Variants in HEG1 observed in about 807,000 individuals in gnomAD.
The protein encoded by HEG1 is protein HEG homolog 1.
HEG1 carries 56 observed loss-of-function variants against 125.6 expected under a neutral mutation model. That is an observed-to-expected ratio of 0.45 (90% CI 0.36 to 0.56). The LOEUF (loss-of-function observed/expected upper bound fraction) is 0.56, where lower values mean the gene tolerates loss of function less well. Among genes scored for constraint, HEG1 ranks in the 20% least tolerant of loss-of-function variants. HEG1 has a pLI of 0.00. For missense variants in HEG1, 1,523 were observed against 1,670.0 expected (o/e 0.91, Z 1.53); for synonymous variants, 644 against 668.5 (o/e 0.96, Z 0.57).
chr3:124,973,916 CAAA>C lies in HEG1; in HGVS notation c.3822-14_3822-12del, dbSNP rs758022319. 1.2e-5 allele frequency: 19 copies of C among 1,591,528 alleles called. No homozygotes were observed. The East Asian group carries it at 4.3e-4, about 36-fold the overall frequency. ...TCATTTTTATTCTTTCTGTGGGATACAAAAATATTTGTAAAGCTCAATTCCGTA... is the reference window on the plus strand; with the variant it reads ...TCATTTTTATTCTTTCTGTGGGATACAATATTTGTAAAGCTCAATTCCGTA... On this transcript the variant is annotated splice_polypyrimidine_tract_variant and intron_variant, in intron 15 of 16. Coordinates refer to ENST00000311127, the MANE Select transcript of HEG1 (RefSeq NM_020733.2).
In HEG1 at chr3:125,022,499, C is replaced by T. The variant is rs79894291; in HGVS notation, c.914-1369G>A. Among the ~76,000 whole-genome samples the T allele has an allele frequency of 3.5e-3, 530 of 151,798 alleles. 4 individuals carry two copies. The highest frequency in any genetic ancestry group is 0.014 in the Middle Eastern group (4 of 290). On this transcript the variant is annotated intron_variant, in intron 3 of 16. Transcript: ENST00000311127. ...AAACCAGCTATATCCAGAACACAGC[C>T]GGCAGCTCTGGTCACCCCACCTTAA...
intron 12 of HEG1, among the ~76,000 whole-genome samples, chr3:124,994,217 A>G (rs895762835): frequency 2.6e-5 from 4 of 151,958 alleles, no homozygotes; most frequent in African/African-American, 9.7e-5. Flanking sequence ...CAGGGTCCAC[A>G]CTCCTATGAG....
Position 125,036,299 on chromosome 3 carries a change from C to T in HEG1, c.317-6811G>A, listed in dbSNP as rs147343980. Among the ~76,000 whole-genome samples the T allele has an allele frequency of 7.3e-3, 1,072 of 146,916 alleles. 42 individuals carry two copies. The highest frequency in any genetic ancestry group is 0.052 in the Admixed American group (756 of 14,664). ...ATACAAAATTGTCATAGAGAGAAAT[C>T]AGTGAATACTGTCTAAAACCAAAAT... On this transcript the variant is annotated intron_variant, in intron 1 of 16. Coordinates refer to ENST00000311127, the MANE Select transcript of HEG1 (RefSeq NM_020733.2).
At chr3:125,048,950 G>T (rs1265547492) in intron 1 of HEG1, among the ~76,000 whole-genome samples, 2 of 152,234 alleles carry the variant, frequency 1.3e-5, no homozygotes, top group Admixed American at 1.3e-4. Context: ...GGTGCATGTT[G>T]TTGCTAACTG....
chr3:125,016,196 A>G (rs1312884186), intron 5 of HEG1, among the ~76,000 whole-genome samples: 2 of 152,234 alleles, frequency 1.3e-5, no homozygotes, highest in African/African-American at 4.8e-5. Flanking sequence ...AACAAAGTAG[A>G]GAGAGAGTCA....
At chr3:124,971,038 C>G in intron 16 of HEG1, 2 of 606,784 alleles carry the variant, frequency 3.3e-6, no homozygotes, top group Non-Finnish European at 6.1e-6. Flanking sequence ...AACGGAGGAA[C>G]TGACCTTTAT....
At chr3:125,012,489 T>C in intron 6 of HEG1, 134 bp downstream of exon 6, 1 of 921,830 alleles carries the variant, frequency 1.1e-6, no homozygotes, top group Non-Finnish European at 1.6e-6. Flanking sequence ...ATAGGAAGCA[T>C]TTTAGGTCGC....
At chr3:124,991,611 G>A (rs530953342) in intron 12 of HEG1, among the ~76,000 whole-genome samples, 15 of 152,202 alleles carry the variant, frequency 9.9e-5, no homozygotes, top group Non-Finnish European at 1.9e-4. Flanking sequence ...GGGTTTTGTA[G>A]TTGTAATTAT....
rs774819367 is a variant in HEG1 at position 125,013,705 on chromosome 3, G to A, written c.1874C>T (p.Ser625Leu). The A allele has an allele frequency of 1.1e-5, 17 of 1,613,856 alleles. No individual in the cohort carries two copies. The highest frequency in any genetic ancestry group is 1.6e-4 in the Middle Eastern group (1 of 6,084). ...DGEYAQPSTE[S>L]PVLHTSNLPS... is the part of the protein sequence containing the mutation. ...AAGGTTGGATGTATGCAGAACTGGC[G>A]ACTCAGTAGAAGGCTGAGCATATTC... Residue 625 changes from serine to leucine, a missense_variant, in exon 6 of 17, where the codon TCG (serine) becomes TTG (leucine). Ser to Leu is a moderately radical substitution (Grantham distance 145). Coordinates refer to ENST00000311127, the MANE Select transcript of HEG1 (RefSeq NM_020733.2).
chr3:125,007,739 C>T (rs1466448141), intron 8 of HEG1, among the ~76,000 whole-genome samples: 1 of 152,108 alleles, frequency 6.6e-6, no homozygotes, highest in Non-Finnish European at 1.5e-5. Flanking sequence ...GGTGGTGGCC[C>T]TGGAGCTAGA....
chr3:124,993,466 T>A (rs4472083), intron 12 of HEG1, among the ~76,000 whole-genome samples: 1 of 151,910 alleles, frequency 6.6e-6, no homozygotes, highest in African/African-American at 2.4e-5. Flanking sequence ...AGGAGGCAGC[T>A]GAGTGCTCCT....
chr3:125,004,178 T>C (rs139131835), intron 9 of HEG1, among the ~76,000 whole-genome samples: 323 of 152,270 alleles, frequency 2.1e-3, no homozygotes, highest in African/African-American at 7.3e-3. Context: ...GCTCAGGAGA[T>C]AGAGAAATAG....
At chr3:125,048,254 G>A (rs1937709825) in intron 1 of HEG1, among the ~76,000 whole-genome samples, 1 of 152,216 alleles carries the variant, frequency 6.6e-6, no homozygotes, top group Non-Finnish European at 1.5e-5. Flanking sequence ...CTTTGCAGAT[G>A]GTCTTTCCAG....
At chr3:124,994,147 C>T (rs2107693080) in intron 12 of HEG1, among the ~76,000 whole-genome samples, 1 of 152,334 alleles carries the variant, frequency 6.6e-6, no homozygotes, top group African/African-American at 2.4e-5. Context: ...CTCAGATCAT[C>T]AGGCATTAGA....
chr3:125,006,925 C>T (rs1241484422), intron 8 of HEG1, among the ~76,000 whole-genome samples: 1 of 152,066 alleles, frequency 6.6e-6, no homozygotes. Context: ...GCAGGCCGGG[C>T]GCGGTGGCTC....
chr3:124,967,953 G>A lies in HEG1; in HGVS notation c.*2699C>T, dbSNP rs914083016. 7 of 152,446 alleles carry A rather than the reference G, an allele frequency of 4.6e-5. No homozygotes were observed. The highest frequency in any genetic ancestry group is 1.7e-4 in the African/African-American group (7 of 41,466). The allele number at this position is 152,446 out of a possible 1,614,324, so 9.4% of individuals were successfully genotyped here. ...CAGCCAGCCACCCTTCCCTGCTGCAGTGTGTGACGGGACACACAGATGCCC... is the reference window on the plus strand; with the variant it reads ...CAGCCAGCCACCCTTCCCTGCTGCAATGTGTGACGGGACACACAGATGCCC... On this transcript the variant is annotated 3_prime_UTR_variant, in exon 17 of 17. Coordinates refer to ENST00000311127, the MANE Select transcript of HEG1 (RefSeq NM_020733.2).
At chr3:125,039,835 CAA>C (rs71996831) in intron 1 of HEG1, among the ~76,000 whole-genome samples, 29 of 132,370 alleles carry the variant, frequency 2.2e-4, no homozygotes, top group East Asian at 1.7e-3. Flanking sequence ...AGAACAGAGC[CAA>C]AAAAAAAAAA....
chr3:124,972,108 T>C (rs1340789737), intron 16 of HEG1: 1 of 152,226 alleles, frequency 6.6e-6, no homozygotes, highest in Non-Finnish European at 1.5e-5. Flanking sequence ...CAGCCTGCTA[T>C]TTTTGGAATA....
intron 1 of HEG1, among the ~76,000 whole-genome samples, chr3:125,041,050 G>A (rs1937590316): frequency 6.6e-6 from 1 of 152,278 alleles, no homozygotes; most frequent in Middle Eastern, 3.4e-3. Context: ...CAGAAAATAG[G>A]TGGCAGAGCA....
Sources: gnomAD v4.1 joint callset for allele counts (sites outside exome capture counted in the v4.1 genomes callset) on GRCh38, gnomAD v4.1.1 for gene constraint, MANE v1.5 for transcripts, NCBI Gene and HGNC (gene_info 2026-07-23, HGNC 2026-07-21) for gene names.